CLNK: variants seen among roughly 807,000 people sequenced by gnomAD.
The protein encoded by CLNK is cytokine dependent hematopoietic cell linker, also known as cytokine-dependent hematopoietic cell linker.
CLNK carries 74 observed loss-of-function variants against 68.6 expected under a neutral mutation model. That is an observed-to-expected ratio of 1.08 (90% CI 0.89 to 1.31). The LOEUF is 1.31. Among genes scored for constraint, CLNK ranks in the 50% most tolerant of loss-of-function variants. The pLI is 0.00. For missense variants in CLNK, 553 were observed against 515.3 expected (o/e 1.07, Z -0.71); for synonymous variants, 198 against 172.2 (o/e 1.15, Z -1.17).
chr4:10,522,812 G>A (rs1464264466), intron 14 of CLNK, among the ~76,000 whole-genome samples: 1 of 152,190 alleles, frequency 6.6e-6, no homozygotes, highest in Non-Finnish European at 1.5e-5. Flanking sequence ...GTAGTAAAAG[G>A]TCATGTAAAT....
rs1016809123 is a variant in CLNK, at chr4:10,637,823, C to T, written c.11+30036G>A. 4.3e-4 allele frequency among the ~76,000 whole-genome samples: 65 copies of T among 150,768 alleles called. No individual in the cohort carries two copies. In the East Asian group the frequency reaches 0.012, roughly 28 times the overall value. ...TTCACCGTGTTAGCCAGGATGGTCT[C>T]GATCTCCTGAATTTGTGATTCACCC... On this transcript the variant is annotated intron_variant, in intron 2 of 18. Coordinates refer to ENST00000226951, the MANE Select transcript of CLNK (RefSeq NM_052964.4).
intron 2 of CLNK, among the ~76,000 whole-genome samples, chr4:10,645,900 T>C (rs942673450): frequency 8.5e-5 from 13 of 152,182 alleles, no homozygotes; most frequent in Admixed American, 2.0e-4. Flanking sequence ...AATACCTTGA[T>C]TTTTTAATGG....
At chr4:10,600,731 A>G (rs756642070) in intron 2 of CLNK, among the ~76,000 whole-genome samples, 2 of 152,242 alleles carry the variant, frequency 1.3e-5, no homozygotes, top group Non-Finnish European at 1.5e-5. Flanking sequence ...ATAGCGAGCC[A>G]TGTAGTTAAC....
intron 18 of CLNK, among the ~76,000 whole-genome samples, chr4:10,498,491 CAAAAT>C (rs1560188785): frequency 6.6e-6 from 1 of 151,680 alleles, no homozygotes; most frequent in East Asian, 1.9e-4. Context: ...GACTCCGTCT[CAAAAT>C]AAAATAAAAT....
Position 10,667,897 on chromosome 4 carries a change from G to C in CLNK, c.-28C>G, listed in dbSNP as rs759242011. The C allele has an allele frequency of 9.5e-6, 13 of 1,367,722 alleles. No individual in the cohort carries two copies. Among genetic ancestry groups the C allele is most frequent in the Non-Finnish European group, 1.2e-5 (13 of 1,047,768 alleles). 84.7% of individuals were successfully genotyped at this position (1,367,722 alleles called of 1,614,324 possible). On this transcript the variant is annotated 5_prime_UTR_variant, in exon 2 of 19. The change creates a new upstream start codon in the 5' untranslated region. Transcript: ENST00000226951. ...TTCTTGGCACCTGGCGGGTAAGAGG[G>C]ATCTTCAATTCAGCCTGTGGAAACA...
the CLNK span, among the ~76,000 whole-genome samples, chr4:10,732,972 T>G: frequency 1.3e-5 from 2 of 152,342 alleles, no homozygotes; most frequent in East Asian, 3.9e-4. Flanking sequence ...CATTTCATTT[T>G]AGGAAATTTC....
chr4:10,645,354 C>T (rs1011295434), intron 2 of CLNK, among the ~76,000 whole-genome samples: 3 of 152,152 alleles, frequency 2.0e-5, no homozygotes, highest in Non-Finnish European at 1.5e-5. Flanking sequence ...TCACTAAATG[C>T]CTGCAAAGTG....
chr4:10,664,425 A>C (rs1306782700), intron 2 of CLNK, among the ~76,000 whole-genome samples: 7 of 152,170 alleles, frequency 4.6e-5, no homozygotes, highest in African/African-American at 1.7e-4. Context: ...GCAAAAGGAA[A>C]ACCTCTGTGT....
At chr4:10,711,938 C>T in the CLNK span, among the ~76,000 whole-genome samples, 1 of 152,062 alleles carries the variant, frequency 6.6e-6, no homozygotes, top group Non-Finnish European at 1.5e-5. Flanking sequence ...GCATATTCAA[C>T]AGAACCTGAA....
At chr4:10,507,912 A>G in intron 17 of CLNK, 47 bp downstream of exon 17, 1 of 1,399,918 alleles carries the variant, frequency 7.1e-7, no homozygotes, top group Non-Finnish European at 9.9e-7. Flanking sequence ...AGAGAACCTT[A>G]AGATGCCTAT....
chr4:10,605,473 A>C (rs190595983), intron 2 of CLNK, among the ~76,000 whole-genome samples: 2 of 152,300 alleles, frequency 1.3e-5, no homozygotes, highest in East Asian at 3.9e-4. Flanking sequence ...TGGTACTTGT[A>C]TATATAAAGA....
At chr4:10,731,511 C>T in the CLNK span, among the ~76,000 whole-genome samples, 1 of 152,136 alleles carries the variant, frequency 6.6e-6, no homozygotes, top group African/African-American at 2.4e-5. Flanking sequence ...AATGTTACTT[C>T]AAAGAAAGAC....
At chr4:10,604,865 C>T (rs1450767924) in intron 2 of CLNK, among the ~76,000 whole-genome samples, 1 of 152,192 alleles carries the variant, frequency 6.6e-6, no homozygotes, top group Admixed American at 6.5e-5. Context: ...CTATGGTGCC[C>T]AGTTGTTTGT....
chr4:10,643,970 G>A (rs966448936), intron 2 of CLNK, among the ~76,000 whole-genome samples: 1 of 152,222 alleles, frequency 6.6e-6, no homozygotes, highest in African/African-American at 2.4e-5. Context: ...TGAAGAAAGG[G>A]CTAGAGAAAA....
chr4:10,709,241 T>TATC, the CLNK span, among the ~76,000 whole-genome samples: 1 of 152,212 alleles, frequency 6.6e-6, no homozygotes, highest in Admixed American at 6.5e-5. Context: ...TTACATAGAC[T>TATC]ATCTATAAAT....
In CLNK at chr4:10,492,467, A is replaced by G. The variant is rs371926596; in HGVS notation, c.1141-1854T>C. 7.9e-5 allele frequency among the ~76,000 whole-genome samples: 12 copies of G among 152,332 alleles called. No individual in the cohort carries two copies. The South Asian group carries it at 2.3e-3, about 29-fold the overall frequency. On this transcript the variant is annotated intron_variant, in intron 18 of 18. Coordinates refer to ENST00000226951, the MANE Select transcript of CLNK (RefSeq NM_052964.4). ...GGCCAGTTAGGACCTCACAGGGATG[A>G]CGTTCTGTTGGGAGCAGGCAGAAAA... is the stretch of plus-strand genomic sequence containing the variant.
At chr4:10,696,944 C>T in the CLNK span, among the ~76,000 whole-genome samples, 2 of 152,154 alleles carry the variant, frequency 1.3e-5, no homozygotes, top group Non-Finnish European at 2.9e-5. Context: ...ATTTCAAATG[C>T]AGGACTGTGC....
Position 10,637,430 on chromosome 4 carries a change from T to TA in CLNK, c.11+30428dup, listed in dbSNP as rs752094762. Among the ~76,000 whole-genome samples, 1,116 of 121,336 alleles carry TA rather than the reference T, an allele frequency of 9.2e-3. 14 individuals are homozygous for TA. Among genetic ancestry groups the TA allele is most frequent in the Middle Eastern group, 0.035 (7 of 202 alleles). The allele number at this position is 121,336 out of a possible 152,430, so 79.6% of individuals were successfully genotyped here. A position where few individuals can be genotyped will look rare whatever the true frequency, so the allele number is the denominator to read the frequency against. Reference sequence around the variant, plus strand: ...TAGACCTTTATGTGATAAGCAACAATAAAAAAAGTTTTTTTTTTTTTTTTG... The same window carrying TA: ...TAGACCTTTATGTGATAAGCAACAATAAAAAAAAGTTTTTTTTTTTTTTTTG... On this transcript the variant is annotated intron_variant, in intron 2 of 18. Transcript: ENST00000226951.
chr4:10,699,494 C>CTCTATATATATA, the CLNK span, among the ~76,000 whole-genome samples: 6 of 56,980 alleles, frequency 1.1e-4, no homozygotes, highest in East Asian at 1.0e-3. Context: ...CTCTCTCTCT[C>CTCTATATATATA]TATATATATA....
Sources: allele counts gnomAD v4.1 joint callset (sites outside exome capture counted in the v4.1 genomes callset), GRCh38; gene constraint gnomAD v4.1.1; transcripts MANE v1.5; gene names NCBI Gene and HGNC (gene_info 2026-07-23, HGNC 2026-07-21).